The following LUZP1 variants were observed in gnomAD, a reference collection of about 807,000 sequenced individuals.
LUZP1 encodes the protein leucine zipper protein 1.
LUZP1 carries 25 observed loss-of-function variants against 71.3 expected under a neutral mutation model. The ratio of observed to expected loss-of-function variants is 0.35; its 90% CI spans 0.26 to 0.49. LUZP1 has a LOEUF of 0.49. Among genes scored for constraint, LUZP1 ranks in the 20% least tolerant of loss-of-function variants. The probability of loss-of-function intolerance (pLI) is 0.99; values close to 1 mark genes in which losing one functional copy is unlikely to be tolerated. For missense variants in LUZP1, 1,142 were observed against 1,300.8 expected (o/e 0.88, Z 1.88); for synonymous variants, 481 against 506.4 (o/e 0.95, Z 0.67).
At chr1:23,141,517 A>T (rs1368133405) in intron 2 of LUZP1, among the ~76,000 whole-genome samples, 1 of 152,076 alleles carries the variant, frequency 6.6e-6, no homozygotes, top group Non-Finnish European at 1.5e-5. Flanking sequence ...GAGTGAGAGC[A>T]CCCAAGGACA....
At chr1:23,141,846 ATTT>A (rs58129873) in intron 2 of LUZP1, among the ~76,000 whole-genome samples, 1 of 143,046 alleles carries the variant, frequency 7.0e-6, no homozygotes, top group Non-Finnish European at 1.5e-5. Flanking sequence ...TGCCCAGCTA[ATTT>A]TTTTTTTTTT....
chr1:23,168,785 G>C (rs1170430215), exon 2 of LUZP1: 1 of 152,778 alleles, frequency 6.5e-6, no homozygotes, highest in Admixed American at 6.6e-5. Context: ...CCCGAACCGC[G>C]CTCCCGCCAG....
exon 4 of LUZP1, chr1:23,092,046 T>C (rs1643863053): frequency 6.2e-7 from 1 of 1,614,064 alleles, no homozygotes; most frequent in Non-Finnish European, 8.5e-7. Flanking sequence ...CCTTTGGCTT[T>C]TTACCCCAGC....
chr1:23,093,928 G>A lies in LUZP1; in HGVS notation c.334C>T (p.Arg112Trp), dbSNP rs771673829. The change falls in exon 4 of 5, where the codon CGG (arginine) becomes TGG (tryptophan). Residue 112 changes from arginine to tryptophan, a missense_variant. Transcript: ENST00000302291. This position sits in a 1 kb window ranked among gnomAD's most constrained non-coding sequence, Gnocchi z 4.2. The stretch of plus-strand genomic sequence containing the variant: ...AATTCAGCCATTCGTTTCTGAAGCC[G>A]CTCAATCTCAGATTTCAGCTCCCGG... The A allele has an allele frequency of 6.2e-6, 10 of 1,613,970 alleles. No homozygotes were observed. The highest frequency in any genetic ancestry group is 2.7e-5 in the African/African-American group (2 of 74,906).
intron 1 of LUZP1, among the ~76,000 whole-genome samples, chr1:23,169,508 A>G (rs1365262533): frequency 6.6e-6 from 1 of 152,184 alleles, no homozygotes; most frequent in African/African-American, 2.4e-5. Flanking sequence ...CAGACTCGGG[A>G]GGCATGGGTT....
chr1:23,133,433 A>G (rs1187089922), intron 2 of LUZP1: 2 of 152,184 alleles, frequency 1.3e-5, no homozygotes, highest in Non-Finnish European at 2.9e-5. Flanking sequence ...AAAGGGAAGT[A>G]GGGATCCCTA....
intron 3 of LUZP1, among the ~76,000 whole-genome samples, chr1:23,106,845 C>T (rs1643986286): frequency 1.3e-5 from 2 of 152,194 alleles, no homozygotes; most frequent in South Asian, 4.1e-4. Flanking sequence ...GTCTGTTCTC[C>T]CACAACAACC....
rs201525405 is a variant in LUZP1, at chr1:23,171,693, T to G, written c.-484-2669A>C. ...GTCTTCAAAGGCCTCTAATAAATTA[T>G]AGCTTATTTTTAGAAAAAATATTCA... is the stretch of plus-strand genomic sequence containing the variant. On this transcript the variant is annotated intron_variant, in intron 1 of 4. Coordinates refer to ENST00000302291, the Ensembl canonical transcript of LUZP1. 2.0e-5 allele frequency among the ~76,000 whole-genome samples: 3 copies of G among 152,230 alleles called. No individual in the cohort carries two copies. In the East Asian group the frequency reaches 5.8e-4, roughly 29 times the overall value.
intron 2 of LUZP1, among the ~76,000 whole-genome samples, chr1:23,119,251 C>A (rs946594893): frequency 5.7e-5 from 4 of 70,024 alleles, no homozygotes; most frequent in Non-Finnish European, 1.0e-4. Flanking sequence ...GTGACTAGCT[C>A]TTTTTTTTTT....
At chr1:23,091,015 C>T (rs1466690636) in intron 4 of LUZP1, 175 bp downstream of exon 3, 1 of 764,380 alleles carries the variant, frequency 1.3e-6, no homozygotes. Flanking sequence ...TGCCAAAAAC[C>T]TTCTTTAGGA....
intron 2 of LUZP1, among the ~76,000 whole-genome samples, chr1:23,155,991 CAG>C (rs769981251): frequency 1.2e-4 from 19 of 152,132 alleles, no homozygotes; most frequent in Admixed American, 6.5e-5. Context: ...TAGATAAAAA[CAG>C]AGATTTATGT....
chr1:23,098,806 A>G (rs1406071208), intron 3 of LUZP1, among the ~76,000 whole-genome samples: 3 of 152,214 alleles, frequency 2.0e-5, no homozygotes, highest in Non-Finnish European at 4.4e-5. Context: ...GCTCAGGGCA[A>G]AAGAAAAACA....
chr1:23,132,352 T>G (rs1644221703), intron 2 of LUZP1, among the ~76,000 whole-genome samples: 1 of 152,202 alleles, frequency 6.6e-6, no homozygotes, highest in African/African-American at 2.4e-5. Context: ...AATCTCATTT[T>G]ATTGAACAAA....
chr1:23,169,266 G>A (rs1345552811), intron 1 of LUZP1, among the ~76,000 whole-genome samples: 1 of 152,128 alleles, frequency 6.6e-6, no homozygotes, highest in East Asian at 1.9e-4. Context: ...CGCTTGAGCC[G>A]AGGGAGGTCG....
At chr1:23,115,002 G>A (rs1319559347) in intron 2 of LUZP1, among the ~76,000 whole-genome samples, 2 of 152,140 alleles carry the variant, frequency 1.3e-5, no homozygotes, top group South Asian at 2.1e-4. Flanking sequence ...AAACAGGTCC[G>A]AAAAGATCTA....
chr1:23,170,138 A>G (rs1051441260), intron 1 of LUZP1, among the ~76,000 whole-genome samples: 1 of 152,192 alleles, frequency 6.6e-6, no homozygotes, highest in Non-Finnish European at 1.5e-5. Context: ...AACCAATAAC[A>G]TTGTGTTTAA....
At chr1:23,122,106 T>C (rs1644134954) in intron 2 of LUZP1, among the ~76,000 whole-genome samples, 1 of 152,096 alleles carries the variant, frequency 6.6e-6, no homozygotes, top group African/African-American at 2.4e-5. Flanking sequence ...AAATCAACAG[T>C]TTCTAATAAA....
intron 2 of LUZP1, among the ~76,000 whole-genome samples, chr1:23,139,019 A>AAATATATATAT (rs1317355746): frequency 1.8e-4 from 11 of 59,952 alleles, no homozygotes; most frequent in African/African-American, 2.8e-4. Flanking sequence ...AAAAAAAAAA[A>AAATATATATAT]ATATATATAT....
At chr1:23,160,240 G>A (rs1329553999) in intron 2 of LUZP1, among the ~76,000 whole-genome samples, 1 of 152,208 alleles carries the variant, frequency 6.6e-6, no homozygotes, top group Non-Finnish European at 1.5e-5. Flanking sequence ...AGTAACTACT[G>A]AGAGAGCTTA....
Sources: allele counts gnomAD v4.1 joint callset (sites outside exome capture counted in the v4.1 genomes callset), GRCh38; gene constraint gnomAD v4.1.1; non-coding constraint Gnocchi (gnomAD v3.1); transcripts MANE v1.5; gene names NCBI Gene and HGNC (gene_info 2026-07-23, HGNC 2026-07-21).